Variants in UST observed in about 807,000 individuals in gnomAD.
UST encodes chondroitin sulfate 2-O-sulfotransferase.
A neutral mutation model predicts 45.6 loss-of-function variants in UST; 21 were observed. The observed-to-expected ratio is 0.46, with a 90% confidence interval of 0.33 to 0.66. The LOEUF is 0.66. UST is among the 30% of genes least tolerant of loss of function. The pLI is 0.02. For missense variants in UST, 463 were observed against 512.4 expected, an observed-to-expected ratio of 0.90 and a Z score of 0.93; for synonymous variants, 215 against 200.6, an observed-to-expected ratio of 1.07 and a Z score of -0.61.
chr6:148,868,742 C>T (rs574118008), intron 1 of UST, among the ~76,000 whole-genome samples: 31 of 152,034 alleles, frequency 2.0e-4, no homozygotes, highest in Non-Finnish European at 4.3e-4. Flanking sequence ...ATCATAAATC[C>T]TGAAAAATGT....
intron 2 of UST, among the ~76,000 whole-genome samples, chr6:148,938,037 C>T (rs1438211260): frequency 2.6e-5 from 4 of 152,182 alleles, no homozygotes; most frequent in Non-Finnish European, 4.4e-5. Flanking sequence ...AATGAACAGG[C>T]TTTTGAAGTA....
Position 149,000,540 on chromosome 6 carries a change from C to T in UST, c.682-18599C>T, listed in dbSNP as rs1781528503. Among the ~76,000 whole-genome samples, 3 of 151,970 alleles carry T rather than the reference C, an allele frequency of 2.0e-5. No homozygotes were observed. The South Asian group carries it at 6.2e-4, about 32-fold the overall frequency. On this transcript the variant is annotated intron_variant, in intron 5 of 7. Coordinates refer to ENST00000367463, the MANE Select transcript of UST (RefSeq NM_005715.3). ...GAATCTCCTACCCAAAATGAGCCTA[C>T]AGACCATACATTCTAAGGAACATGG...
intron 3 of UST, among the ~76,000 whole-genome samples, chr6:148,943,901 A>G (rs1364042092): frequency 6.6e-6 from 1 of 152,272 alleles, no homozygotes; most frequent in Non-Finnish European, 1.5e-5. Flanking sequence ...TAATAACAGT[A>G]ACTATTACCT....
At chr6:148,792,928 A>G (rs1024861082) in intron 1 of UST, among the ~76,000 whole-genome samples, 3 of 152,136 alleles carry the variant, frequency 2.0e-5, no homozygotes, top group African/African-American at 7.3e-5. Context: ...GTGGTTAAAT[A>G]TCTAGCTACA....
At chr6:148,751,737 A>AT (rs113002435) in intron 1 of UST, among the ~76,000 whole-genome samples, 2,824 of 148,490 alleles carry the variant, frequency 0.019, 26 homozygotes, top group Non-Finnish European at 0.024. Flanking sequence ...AATTCAGTGA[A>AT]TTTTTTTTTT....
chr6:148,841,908 C>G (rs962108290), intron 1 of UST, among the ~76,000 whole-genome samples: 13 of 152,196 alleles, frequency 8.5e-5, no homozygotes, highest in African/African-American at 2.9e-4. Flanking sequence ...GAGTTCGAGA[C>G]CAGCCTGGCC....
intron 2 of UST, among the ~76,000 whole-genome samples, chr6:148,899,721 G>C (rs1288622917): frequency 6.6e-6 from 1 of 152,242 alleles, no homozygotes; most frequent in Non-Finnish European, 1.5e-5. Context: ...TTGAAAAACA[G>C]TGGTCCCCGA....
chr6:148,789,373 G>A (rs186921016), intron 1 of UST, among the ~76,000 whole-genome samples: 21 of 150,966 alleles, frequency 1.4e-4, no homozygotes, highest in African/African-American at 4.6e-4. Flanking sequence ...TCCAATGGAA[G>A]CATCTATATG....
intron 2 of UST, among the ~76,000 whole-genome samples, chr6:148,919,561 T>C (rs1234645851): frequency 1.3e-5 from 2 of 152,216 alleles, no homozygotes; most frequent in Non-Finnish European, 2.9e-5. Flanking sequence ...TTCTACATAA[T>C]GAAATAATTA....
Position 148,957,732 on chromosome 6 carries a change from C to T in UST, c.527+3781C>T, listed in dbSNP as rs548769802. On this transcript the variant is annotated intron_variant, in intron 4 of 7. Coordinates refer to ENST00000367463, the MANE Select transcript of UST (RefSeq NM_005715.3). ...TACAGGCGTGAGCCACCATGCAAAG[C>T]CAAGGACATTAACATACTTTAAAAA... is the stretch of plus-strand genomic sequence containing the variant. Among the ~76,000 whole-genome samples the T allele has an allele frequency of 7.9e-5, 12 of 152,286 alleles. No individual in the cohort carries two copies. In the South Asian group the frequency reaches 8.3e-4, roughly 11 times the overall value.
At chr6:148,816,562 T>C (rs1481591107) in intron 1 of UST, among the ~76,000 whole-genome samples, 1 of 152,148 alleles carries the variant, frequency 6.6e-6, no homozygotes, top group Non-Finnish European at 1.5e-5. Flanking sequence ...CTGGTTCCTA[T>C]TAAAAGAAAA....
chr6:148,799,357 C>G (rs1345550459), intron 1 of UST, among the ~76,000 whole-genome samples: 1 of 152,162 alleles, frequency 6.6e-6, no homozygotes, highest in Non-Finnish European at 1.5e-5. Flanking sequence ...GCTCAGCTCC[C>G]TGATGGCCAA....
At chr6:148,837,563 T>C (rs1025850164) in intron 1 of UST, among the ~76,000 whole-genome samples, 1 of 152,200 alleles carries the variant, frequency 6.6e-6, no homozygotes, top group East Asian at 1.9e-4. Context: ...CATTGTTGCA[T>C]TGGGAATTGC....
intron 1 of UST, among the ~76,000 whole-genome samples, chr6:148,856,824 T>G (rs935786756): frequency 6.6e-6 from 1 of 152,162 alleles, no homozygotes; most frequent in Non-Finnish European, 1.5e-5. Flanking sequence ...ACTGTTACTG[T>G]GGTTGAATCC....
chr6:148,784,616 T>C (rs1776704702), intron 1 of UST, among the ~76,000 whole-genome samples: 1 of 152,230 alleles, frequency 6.6e-6, no homozygotes, highest in Non-Finnish European at 1.5e-5. Flanking sequence ...TGGAAAATTG[T>C]ACATATATTG....
chr6:148,884,261 G>A (rs750680334), intron 1 of UST, among the ~76,000 whole-genome samples: 11 of 152,074 alleles, frequency 7.2e-5, no homozygotes, highest in Non-Finnish European at 1.3e-4. Context: ...GTGGTATTTC[G>A]TTCATTAAGT....
At chr6:148,891,725 A>G (rs1779021939) in intron 2 of UST, among the ~76,000 whole-genome samples, 2 of 152,244 alleles carry the variant, frequency 1.3e-5, no homozygotes, top group Admixed American at 6.5e-5. Flanking sequence ...TAAATAAGCA[A>G]TCTGGTACAT....
chr6:149,043,221 C>G (rs1386441874), intron 7 of UST, among the ~76,000 whole-genome samples: 2 of 151,726 alleles, frequency 1.3e-5, no homozygotes, highest in Admixed American at 1.3e-4. Flanking sequence ...TTCTGTCCTC[C>G]TGCCTCAGCC....
chr6:148,795,461 C>A (rs1397619548), intron 1 of UST, among the ~76,000 whole-genome samples: 1 of 152,148 alleles, frequency 6.6e-6, no homozygotes, highest in South Asian at 2.1e-4. Context: ...TGTTTGATTT[C>A]TTGGACTTAG....
Sources: allele counts gnomAD v4.1 joint callset (sites outside exome capture counted in the v4.1 genomes callset), GRCh38; gene constraint gnomAD v4.1.1; transcripts MANE v1.5; gene names NCBI Gene and HGNC (gene_info 2026-07-23, HGNC 2026-07-21).